The following FNIP2 variants were observed in gnomAD, a reference collection of about 807,000 sequenced individuals.
The protein encoded by FNIP2 is folliculin-interacting protein 2.
A neutral mutation model predicts 108.7 loss-of-function variants in FNIP2; 32 were observed. The observed-to-expected ratio is 0.29, with a 90% CI of 0.22 to 0.40. The LOEUF (loss-of-function observed/expected upper bound fraction) is 0.40. Ranked by LOEUF, FNIP2 falls within the 10% of genes least tolerant of loss-of-function variation. The probability of loss-of-function intolerance (pLI) is 1.00; values close to 1 mark genes in which losing one functional copy is unlikely to be tolerated. For synonymous variants in FNIP2, 480 were observed against 496.7 expected (o/e 0.97, Z 0.45); for missense variants, 1,202 against 1,381.6 (o/e 0.87, Z 2.06).
chr4:158,825,861 G>A, intron 1 of FNIP2, 55 bp from the exon 2 acceptor site: 1 of 1,576,524 alleles, frequency 6.3e-7, no homozygotes, highest in East Asian at 2.3e-5. Context: ...ATCTGTCTGT[G>A]ATCATCTCAT....
intron 1 of FNIP2, among the ~76,000 whole-genome samples, chr4:158,809,904 G>A (rs1392098425): frequency 1.3e-5 from 2 of 152,128 alleles, no homozygotes; most frequent in African/African-American, 4.8e-5. Context: ...ATTAAAAAAG[G>A]GAAGTCCTTA....
chr4:158,828,720 A>G (rs1343234469), intron 2 of FNIP2, among the ~76,000 whole-genome samples: 1 of 152,240 alleles, frequency 6.6e-6, no homozygotes, highest in Non-Finnish European at 1.5e-5. Context: ...TTGAAGCCTC[A>G]TCTTTCTCCT....
intron 14 of FNIP2, among the ~76,000 whole-genome samples, chr4:158,878,479 A>C (rs907045109): frequency 2.6e-5 from 4 of 152,248 alleles, no homozygotes; most frequent in African/African-American, 9.6e-5. Flanking sequence ...TTTCAGGTCC[A>C]GATTTATTCT....
chr4:158,861,253 A>G, intron 10 of FNIP2, 89 bp from the exon 11 acceptor site: 1 of 1,407,736 alleles, frequency 7.1e-7, no homozygotes, highest in Non-Finnish European at 9.5e-7. Context: ...CATAGATTCA[A>G]GTTGTTTTCT....
At chr4:158,861,253 A>C (rs1780276293) in intron 10 of FNIP2, 89 bp from the exon 11 acceptor site, 1 of 1,407,618 alleles carries the variant, frequency 7.1e-7, no homozygotes, top group African/African-American at 1.4e-5. Flanking sequence ...CATAGATTCA[A>C]GTTGTTTTCT....
intron 1 of FNIP2, among the ~76,000 whole-genome samples, chr4:158,824,609 C>G (rs968177574): frequency 1.2e-4 from 19 of 152,148 alleles, no homozygotes; most frequent in Non-Finnish European, 2.5e-4. Flanking sequence ...GTTTGGCCTT[C>G]CTGCTTCCAG....
chr4:158,777,328 TTGATATTC>T lies in FNIP2; in HGVS notation c.107+8013_107+8020del, dbSNP rs1240786130. ...AGTACACTTAATTGTGAAAACAATA[TTGATATTC>T]TGAACCCTGCGAAGACTATATTTGC... is the stretch of plus-strand genomic sequence containing the variant. On this transcript the variant is annotated intron_variant, in intron 1 of 16. Transcript: ENST00000264433. Among the ~76,000 whole-genome samples, 6 of 152,356 alleles carry T rather than the reference TTGATATTC, an allele frequency of 3.9e-5. No homozygotes were observed. The East Asian group carries it at 1.2e-3, about 29-fold the overall frequency.
intron 7 of FNIP2, among the ~76,000 whole-genome samples, chr4:158,850,470 T>C (rs1779635583): frequency 6.6e-6 from 1 of 151,690 alleles, no homozygotes. Context: ...TAGAAAAGTC[T>C]GGGATGGCAC....
In FNIP2 at chr4:158,888,901, C is replaced by A. The variant is rs1017314603; in HGVS notation, c.2950-2545C>A. Among the ~76,000 whole-genome samples the A allele has an allele frequency of 6.0e-5, 9 of 150,322 alleles. 1 individual carries two copies. The East Asian group carries it at 1.8e-3, about 29-fold the overall frequency. ...AAAAAAAAAAAAAAAAAGTAAGAAA[C>A]TTTGGAGGCCAAATGTAGTGGCTCA... On this transcript the variant is annotated intron_variant, in intron 14 of 16. Coordinates refer to ENST00000264433, the MANE Select transcript of FNIP2 (RefSeq NM_020840.3).
At chr4:158,798,272 T>C (rs1776653500) in intron 1 of FNIP2, among the ~76,000 whole-genome samples, 1 of 152,066 alleles carries the variant, frequency 6.6e-6, no homozygotes. Context: ...CTGTGTTGCC[T>C]AGGGAGCTCT....
intron 1 of FNIP2, among the ~76,000 whole-genome samples, chr4:158,773,501 T>C (rs369775182): frequency 6.6e-6 from 1 of 152,224 alleles, no homozygotes; most frequent in South Asian, 2.1e-4. Context: ...ATCAGACCTA[T>C]GTAACAAAGT....
chr4:158,856,523 A>T (rs984558121), intron 8 of FNIP2, among the ~76,000 whole-genome samples: 4 of 152,194 alleles, frequency 2.6e-5, no homozygotes, highest in African/African-American at 9.6e-5. Flanking sequence ...CTTGACTCTC[A>T]GGGCTGTCGG....
At chr4:158,862,878 T>C (rs898095961) in intron 12 of FNIP2, among the ~76,000 whole-genome samples, 1 of 152,240 alleles carries the variant, frequency 6.6e-6, no homozygotes, top group East Asian at 1.9e-4. Flanking sequence ...TTGTATTCCA[T>C]GCTGCTGGAT....
chr4:158,779,802 T>C (rs534237465), intron 1 of FNIP2, among the ~76,000 whole-genome samples: 7 of 151,482 alleles, frequency 4.6e-5, no homozygotes, highest in Middle Eastern at 3.4e-3. Context: ...AGCGTAGTCT[T>C]GAACTCCAGG....
chr4:158,822,455 A>G (rs1384469183), intron 1 of FNIP2, among the ~76,000 whole-genome samples: 1 of 152,152 alleles, frequency 6.6e-6, no homozygotes, highest in Non-Finnish European at 1.5e-5. Flanking sequence ...GATTACAGAC[A>G]TGAGCCATTG....
At chr4:158,863,972 T>C (rs1033772547) in intron 12 of FNIP2, among the ~76,000 whole-genome samples, 4 of 152,254 alleles carry the variant, frequency 2.6e-5, no homozygotes. Flanking sequence ...CACAGTGGAA[T>C]TAGACTACAA....
At chr4:158,887,461 G>A (rs1461479787) in intron 14 of FNIP2, among the ~76,000 whole-genome samples, 2 of 152,140 alleles carry the variant, frequency 1.3e-5, no homozygotes. Context: ...TCCCAGCCAG[G>A]CACGGTGGCT....
chr4:158,790,401 TTCAGATAAGGGATAC>T (rs980022290), intron 1 of FNIP2, among the ~76,000 whole-genome samples: 2 of 151,964 alleles, frequency 1.3e-5, no homozygotes, highest in Admixed American at 6.5e-5. Context: ...AATATTTTGG[TTCAGATAAGGGATAC>T]TCAACCTGTA....
rs149709204 is a variant in FNIP2 at position 158,839,266 on chromosome 4, C to T, written c.727+3790C>T. On this transcript the variant is annotated intron_variant, in intron 7 of 16. Coordinates refer to ENST00000264433, the MANE Select transcript of FNIP2 (RefSeq NM_020840.3). ...TCTCCTGTGTGGAGATATATCTCTT[C>T]TCCCATTTATTTGTTTAGTCATTAT... Among the ~76,000 whole-genome samples the T allele has an allele frequency of 1.8e-3, 280 of 152,302 alleles. 1 individual carries two copies. The Middle Eastern group carries it at 0.031, about 17-fold the overall frequency.
Sources: gnomAD v4.1 joint callset for allele counts (sites outside exome capture counted in the v4.1 genomes callset) on GRCh38, gnomAD v4.1.1 for gene constraint, MANE v1.5 for transcripts, NCBI Gene and HGNC (gene_info 2026-07-23, HGNC 2026-07-21) for gene names.